Variants in STRN observed in about 807,000 individuals in gnomAD.
The protein encoded by STRN is protein phosphatase 2 regulatory subunit B'''alpha.
A neutral mutation model predicts 96.3 loss-of-function variants in STRN; 53 were observed. That is an observed-to-expected ratio of 0.55 (90% CI 0.44 to 0.69). The LOEUF is 0.69. Ranked by LOEUF, STRN falls within the 30% of genes least tolerant of loss-of-function variation. The probability of loss-of-function intolerance (pLI) is 0.00; values close to 1 mark genes in which losing one functional copy is unlikely to be tolerated. For missense variants in STRN, 987 were observed against 963.9 expected (o/e 1.02, Z -0.32); for synonymous variants, 428 against 355.9 (o/e 1.20, Z -2.28).
chr2:36,962,168 A>T (rs1572704533), intron 1 of STRN, among the ~76,000 whole-genome samples: 1 of 152,208 alleles, frequency 6.6e-6, no homozygotes, highest in East Asian at 1.9e-4. Flanking sequence ...CATGAAGTAG[A>T]TGCTTGAAAA....
rs746095689 is a variant in STRN, at chr2:36,877,877, A to C, written c.1323+14T>G. 3.1e-5 allele frequency: 50 copies of C among 1,612,206 alleles called. No individual in the cohort carries two copies. The highest frequency in any genetic ancestry group is 1.0e-4 in the Admixed American group (6 of 59,538). On this transcript the variant is annotated intron_variant, in intron 10 of 17. Coordinates refer to ENST00000263918, the MANE Select transcript of STRN (RefSeq NM_003162.4). The stretch of plus-strand genomic sequence containing the variant: ...AAACCAAGTAAACACAACAAAAACA[A>C]AACTACTACTTACATCATAAGTTAG...
At chr2:36,917,355 C>T (rs972329244) in intron 2 of STRN, among the ~76,000 whole-genome samples, 1 of 151,052 alleles carries the variant, frequency 6.6e-6, no homozygotes, top group African/African-American at 2.4e-5. Context: ...AACCCTGTCT[C>T]TATCAAAAAA....
intron 2 of STRN, among the ~76,000 whole-genome samples, chr2:36,919,665 T>A (rs572232163): frequency 2.0e-5 from 3 of 152,346 alleles, no homozygotes; most frequent in African/African-American, 7.2e-5. Flanking sequence ...ATTTGTGTTT[T>A]AGAAAATGAA....
chr2:36,887,363 G>C (rs1047334357), intron 7 of STRN, among the ~76,000 whole-genome samples: 3 of 151,630 alleles, frequency 2.0e-5, no homozygotes, highest in African/African-American at 7.3e-5. Flanking sequence ...CCAGTTACTT[G>C]GGAGGCTGAG....
intron 7 of STRN, among the ~76,000 whole-genome samples, chr2:36,891,808 A>T (rs776388916): frequency 6.6e-6 from 1 of 152,212 alleles, no homozygotes; most frequent in Non-Finnish European, 1.5e-5. Flanking sequence ...CTTATCTAGG[A>T]GAGTTTTCTT....
chr2:36,871,213 A>C (rs770581119), intron 10 of STRN, among the ~76,000 whole-genome samples: 10 of 152,202 alleles, frequency 6.6e-5, no homozygotes, highest in Non-Finnish European at 1.3e-4. Context: ...TTACAAAGTC[A>C]ATGGTAGTGT....
intron 10 of STRN, among the ~76,000 whole-genome samples, chr2:36,877,265 C>T (rs2717517): frequency 0.95 from 144,370 of 152,264 alleles, 68,916 homozygotes; most frequent in East Asian, 1. Context: ...TAGGTAGGCA[C>T]GAATTACAAC....
intron 1 of STRN, among the ~76,000 whole-genome samples, chr2:36,932,144 T>C (rs1190302134): frequency 6.6e-6 from 1 of 151,778 alleles, no homozygotes; most frequent in Admixed American, 6.6e-5. Flanking sequence ...TAATCTGGTA[T>C]TTATTCTACA....
chr2:36,874,012 C>A (rs1668834552), intron 10 of STRN, among the ~76,000 whole-genome samples: 2 of 149,840 alleles, frequency 1.3e-5, no homozygotes, highest in Non-Finnish European at 1.5e-5. Flanking sequence ...TCCCAGCACT[C>A]TGGGAGGCTG....
At chr2:36,858,066 C>G in intron 13 of STRN, 43 bp from the exon 14 acceptor site, 1 of 1,493,778 alleles carries the variant, frequency 6.7e-7, no homozygotes, top group South Asian at 1.3e-5. Context: ...GAAAAACAAC[C>G]ACAAAGGTAC....
chr2:36,881,408 G>A lies in STRN; in HGVS notation c.1186+2524C>T, dbSNP rs1408138486. ...CTCCCAAAGTGCTGGGATTACAGGC[G>A]TGAGCAACTAAACTGCACCCGGCCC... On this transcript the variant is annotated intron_variant, in intron 9 of 17. Transcript: ENST00000263918. 2.6e-5 allele frequency among the ~76,000 whole-genome samples: 4 copies of A among 152,114 alleles called. No homozygotes were observed. The South Asian group carries it at 6.2e-4, about 24-fold the overall frequency.
chr2:36,880,856 T>C lies in STRN; in HGVS notation c.1187-2829A>G, dbSNP rs141180822. On this transcript the variant is annotated intron_variant, in intron 9 of 17. Transcript: ENST00000263918. ...TGTAAGTTAATTCTAACTACTGCTC[T>C]ACAAATGGCCAAGTAAAACCTGAAA... is the stretch of plus-strand genomic sequence containing the variant. Among the ~76,000 whole-genome samples, 25 of 152,282 alleles carry C rather than the reference T, an allele frequency of 1.6e-4. No individual in the cohort carries two copies. The East Asian group carries it at 4.4e-3, about 27-fold the overall frequency.
chr2:36,925,011 G>A (rs575713898), intron 2 of STRN, 94 bp downstream of exon 2: 68 of 1,118,442 alleles, frequency 6.1e-5, no homozygotes, highest in Non-Finnish European at 8.6e-5. Context: ...AGCCAAGATC[G>A]TACCATTGCA....
intron 9 of STRN, among the ~76,000 whole-genome samples, chr2:36,882,007 C>T (rs1572645118): frequency 1.3e-5 from 2 of 152,288 alleles, no homozygotes; most frequent in African/African-American, 4.8e-5. Flanking sequence ...ATAAACTTTA[C>T]ATCTACAGTG....
At chr2:36,870,547 T>C (rs988130802) in intron 10 of STRN, among the ~76,000 whole-genome samples, 1 of 152,208 alleles carries the variant, frequency 6.6e-6, no homozygotes, top group Non-Finnish European at 1.5e-5. Context: ...AAAATTCCTA[T>C]AGTAACATCA....
intron 10 of STRN, among the ~76,000 whole-genome samples, chr2:36,876,752 T>C (rs780362152): frequency 1.6e-4 from 1 of 6,388 alleles, no homozygotes; most frequent in Admixed American, 2.9e-3. Context: ...ATTATAAACA[T>C]TTTTTTTTTT....
chr2:36,960,629 CAT>C (rs920177333), intron 1 of STRN, among the ~76,000 whole-genome samples: 7 of 152,158 alleles, frequency 4.6e-5, no homozygotes, highest in African/African-American at 1.7e-4. Context: ...TTAACTTACA[CAT>C]GAGAAAACTA....
At chr2:36,925,012 T>G in intron 2 of STRN, 93 bp downstream of exon 2, 1 of 1,135,832 alleles carries the variant, frequency 8.8e-7, no homozygotes, top group Non-Finnish European at 1.3e-6. Context: ...GCCAAGATCG[T>G]ACCATTGCAC....
At chr2:36,890,987 G>A (rs559554953) in intron 7 of STRN, among the ~76,000 whole-genome samples, 3 of 152,258 alleles carry the variant, frequency 2.0e-5, no homozygotes, top group Admixed American at 2.0e-4. Context: ...CTTGGGACTA[G>A]AAGTATTTCG....
Sources: allele counts gnomAD v4.1 joint callset (sites outside exome capture counted in the v4.1 genomes callset), GRCh38; gene constraint gnomAD v4.1.1; transcripts MANE v1.5; gene names NCBI Gene and HGNC (gene_info 2026-07-23, HGNC 2026-07-21).